MYO10: variants seen among roughly 807,000 people sequenced by gnomAD.
MYO10 encodes unconventional myosin-X.
A neutral mutation model predicts 257.3 loss-of-function variants in MYO10; 133 were observed. That is an observed-to-expected ratio of 0.52 (90% CI 0.45 to 0.60). The LOEUF is 0.60. Ranked by LOEUF, MYO10 falls within the 20% of genes least tolerant of loss-of-function variation. The probability of loss-of-function intolerance (pLI) is 0.00; values close to 1 mark genes in which losing one functional copy is unlikely to be tolerated. For missense variants in MYO10, 2,399 were observed against 2,635.7 expected (o/e 0.91, Z 1.97); for synonymous variants, 1,104 against 1,028.6 (o/e 1.07, Z -1.40).
At chr5:16,931,931 C>T (rs1746304963) in intron 1 of MYO10, among the ~76,000 whole-genome samples, 1 of 152,092 alleles carries the variant, frequency 6.6e-6, no homozygotes. Context: ...AAATATACAA[C>T]CAAATGGGGA....
intron 19 of MYO10, among the ~76,000 whole-genome samples, chr5:16,741,329 C>G (rs1024255261): frequency 2.0e-5 from 3 of 152,294 alleles, no homozygotes; most frequent in Middle Eastern, 3.4e-3. Context: ...CATTTCCATA[C>G]TTGCGTATGA....
chr5:16,697,419 T>C (rs39904), intron 26 of MYO10, among the ~76,000 whole-genome samples: 87,147 of 152,082 alleles, frequency 0.57, 25,286 homozygotes, highest in Middle Eastern at 0.59. Flanking sequence ...AGGGTTTTCA[T>C]GGCTGGGCGC....
At position 16,818,119 on chromosome 5, in the gene MYO10, T is replaced by A. The variant is rs1286922646; in HGVS notation, c.169A>T (p.Met57Leu). Residue 57 changes from methionine to leucine, a missense_variant, in exon 3 of 41, where the codon ATG becomes TTG. By Grantham distance (15) the Met-to-Leu change is conservative. This residue lies in a region of MYO10 where 242 missense variants were observed against 249.5 expected (regional missense o/e 0.97). Transcript: ENST00000513610. ...STITHQKVTA[M>L]HPTNEEGVDD... ...ACGCCCTCCTCGTTCGTGGGGTGCA[T>A]AGCAGTCACCTTCTGGTGGGTAATT... is the stretch of plus-strand genomic sequence containing the variant. The A allele has an allele frequency of 2.5e-6, 4 of 1,609,654 alleles. No individual in the cohort carries two copies. Among genetic ancestry groups the A allele is most frequent in the Non-Finnish European group, 3.4e-6 (4 of 1,176,840 alleles).
At chr5:16,902,698 T>TG in intron 1 of MYO10, 1 of 879,446 alleles carries the variant, frequency 1.1e-6, no homozygotes, top group East Asian at 2.4e-5. Context: ...TTAGTGGAGA[T>TG]GGGGTTTCAG....
At chr5:16,886,932 C>CAAAA (rs75535220) in intron 1 of MYO10, among the ~76,000 whole-genome samples, 1 of 101,896 alleles carries the variant, frequency 9.8e-6, no homozygotes. Context: ...ACTCCATCTC[C>CAAAA]AAAAAAAAAA....
intron 2 of MYO10, among the ~76,000 whole-genome samples, chr5:16,834,419 A>AG (rs1189552759): frequency 6.6e-6 from 1 of 152,168 alleles, no homozygotes; most frequent in Non-Finnish European, 1.5e-5. Context: ...CTACAATAGC[A>AG]GGGGGTGCTG....
chr5:16,796,180 C>T (rs10054003), intron 3 of MYO10, among the ~76,000 whole-genome samples: 9,315 of 122,940 alleles, frequency 0.076, 923 homozygotes, highest in African/African-American at 0.21. Flanking sequence ...CAGAGCGAGA[C>T]TCTGTCAAAA....
At chr5:16,795,530 G>A (rs1173230094) in intron 3 of MYO10, among the ~76,000 whole-genome samples, 1 of 152,178 alleles carries the variant, frequency 6.6e-6, no homozygotes, top group Non-Finnish European at 1.5e-5. Flanking sequence ...GAACCCAGGA[G>A]CCAGAGGTTG....
chr5:16,824,113 G>C (rs185581395), intron 2 of MYO10, among the ~76,000 whole-genome samples: 62 of 152,238 alleles, frequency 4.1e-4, no homozygotes, highest in Non-Finnish European at 6.8e-4. Context: ...CTTATACACA[G>C]ATTTCTTTTA....
intron 9 of MYO10, among the ~76,000 whole-genome samples, chr5:16,774,480 G>A (rs988056300): frequency 1.3e-5 from 2 of 151,774 alleles, no homozygotes; most frequent in South Asian, 2.1e-4. Flanking sequence ...GGAGTGCAAC[G>A]GTGCAATCTC....
At chr5:16,808,812 C>T (rs545669687) in intron 3 of MYO10, among the ~76,000 whole-genome samples, 3 of 152,248 alleles carry the variant, frequency 2.0e-5, no homozygotes, top group South Asian at 4.1e-4. Flanking sequence ...GCTGGGACTA[C>T]AGGCACCCGC....
Position 16,761,452 on chromosome 5 carries a change from AG to A in MYO10, c.1739+11del. On this transcript the variant is annotated intron_variant, in intron 17 of 40. Transcript: ENST00000513610. ...GCTTGCTAAGTACTTCTCGGTGAGA[AG>A]ACTGACATACCGGCTTTCTCTTAGC... The A allele has an allele frequency of 6.3e-7, 1 of 1,599,176 alleles. No homozygotes were observed. The highest frequency in any genetic ancestry group is 8.6e-7 in the Non-Finnish European group (1 of 1,167,236).
intron 37 of MYO10, 127 bp downstream of exon 37, chr5:16,672,562 A>C (rs993520406): frequency 9.0e-7 from 1 of 1,107,606 alleles, no homozygotes; most frequent in African/African-American, 1.6e-5. Context: ...AGGCATCAAC[A>C]CAGGTAAAAT....
chr5:16,743,998 T>A (rs894529593), intron 19 of MYO10, among the ~76,000 whole-genome samples: 10 of 152,234 alleles, frequency 6.6e-5, no homozygotes, highest in African/African-American at 9.6e-5. Flanking sequence ...GTAAATTTTT[T>A]AATGTTCTTT....
intron 22 of MYO10, among the ~76,000 whole-genome samples, chr5:16,704,164 A>T (rs1032036853): frequency 2.2e-4 from 34 of 151,142 alleles, no homozygotes; most frequent in African/African-American, 6.6e-4. Flanking sequence ...TAAAAAAAAA[A>T]TTTTTTTTTA....
In MYO10 at chr5:16,666,351, C is replaced by G. The variant is rs1736167528; in HGVS notation, c.*341G>C. ...CAGAAGGGGGAAAGGCAGTTCCCTT[C>G]AGTAGCACAGTTACGGTCGATTAGT... On this transcript the variant is annotated 3_prime_UTR_variant, in exon 41 of 41. Transcript: ENST00000513610. The G allele has an allele frequency of 4.5e-6, 1 of 224,014 alleles. No homozygotes were observed. Among genetic ancestry groups the G allele is most frequent in the African/African-American group, 2.3e-5 (1 of 44,052 alleles). The allele number at this position is 224,014 out of a possible 1,614,324, so 13.9% of individuals were successfully genotyped here. A position where few individuals can be genotyped will look rare whatever the true frequency, so the allele number is the denominator to read the frequency against.
intron 26 of MYO10, among the ~76,000 whole-genome samples, chr5:16,695,309 G>C (rs890038520): frequency 6.6e-6 from 1 of 152,184 alleles, no homozygotes; most frequent in Non-Finnish European, 1.5e-5. Flanking sequence ...ACTCCAGCCT[G>C]GGTGACAGAG....
At chr5:16,933,166 C>G (rs1002481498) in intron 1 of MYO10, among the ~76,000 whole-genome samples, 14 of 152,228 alleles carry the variant, frequency 9.2e-5, no homozygotes, top group African/African-American at 2.9e-4. Context: ...TGGATCTCAA[C>G]TGGGAGTGAT....
chr5:16,725,821 T>C (rs1739345504), intron 19 of MYO10, among the ~76,000 whole-genome samples: 1 of 147,992 alleles, frequency 6.8e-6, no homozygotes, highest in Admixed American at 6.8e-5. Flanking sequence ...GGAGTCTAGC[T>C]CTGTCACCCA....
Sources: gnomAD v4.1 joint callset for allele counts (sites outside exome capture counted in the v4.1 genomes callset) on GRCh38, gnomAD v4.1.1 for gene constraint, gnomAD v4.1.1 regional missense constraint, MANE v1.5 for transcripts, NCBI Gene and HGNC (gene_info 2026-07-23, HGNC 2026-07-21) for gene names.